The following ELFN1 variants were observed in gnomAD, a reference collection of about 807,000 sequenced individuals.
The protein encoded by ELFN1 is extracellular leucine rich repeat and fibronectin type III domain containing 1, also known as protein ELFN1.
Under a neutral mutation model 7.6 loss-of-function variants are expected in ELFN1, and 6 were observed. The ratio of observed to expected loss-of-function variants is 0.79; its 90% CI spans 0.43 to 1.56. The LOEUF is 1.56. ELFN1 is among the 40% of genes most tolerant of loss of function. The pLI, the probability that ELFN1 is intolerant of heterozygous loss-of-function variation, is 0.01. For missense variants in ELFN1, 1,169 were observed against 1,232.2 expected (o/e 0.95, Z 0.77); for synonymous variants, 657 against 588.1 (o/e 1.12, Z -1.70).
chr7:1,733,508 AACAG>A (rs1265716988), intron 3 of ELFN1, among the ~76,000 whole-genome samples: 1 of 152,058 alleles, frequency 6.6e-6, no homozygotes, highest in African/African-American at 2.4e-5. Flanking sequence ...ACTTTCTAGT[AACAG>A]ACAGGAGATA....
chr7:1,682,593 A>G (rs1022699257), intron 1 of ELFN1, among the ~76,000 whole-genome samples: 6 of 146,442 alleles, frequency 4.1e-5, no homozygotes, highest in African/African-American at 7.6e-5. Flanking sequence ...GGCGTGTGCC[A>G]TCATGCCAGG....
At chr7:1,684,872 G>A (rs1167201048) in intron 1 of ELFN1, among the ~76,000 whole-genome samples, 1 of 152,118 alleles carries the variant, frequency 6.6e-6, no homozygotes, top group Non-Finnish European at 1.5e-5. Context: ...TTTAAAAGAA[G>A]TTAAGGGAAG....
At chr7:1,730,124 C>T (rs574305081) in intron 3 of ELFN1, among the ~76,000 whole-genome samples, 1 of 152,404 alleles carries the variant, frequency 6.6e-6, no homozygotes, top group African/African-American at 2.4e-5. Flanking sequence ...ATCGTTCACC[C>T]TGCTTTGAGC....
At position 1,744,957 on chromosome 7, in the gene ELFN1, C is replaced by T. The variant is rs769101353; in HGVS notation, c.361C>T (p.Arg121Cys). The change falls in exon 4 of 4, where the codon CGC becomes TGC. Residue 121 changes from arginine (R) to cysteine (C), a missense_variant. Arg to Cys is a radical substitution (Grantham distance 180). Coordinates refer to ENST00000424383, the MANE Select transcript of ELFN1 (RefSeq NM_001128636.4). ...QVLQLGYNRL[R>C]NLTEGMLRGL... Reference sequence around the variant, plus strand: ...GCTGCAGCTGGGCTACAACCGGCTGCGCAACCTCACGGAGGGCATGCTGCG... The same window carrying T: ...GCTGCAGCTGGGCTACAACCGGCTGTGCAACCTCACGGAGGGCATGCTGCG... 24 of 1,551,178 alleles carry T rather than the reference C, an allele frequency of 1.5e-5. No individual in the cohort carries two copies. Among genetic ancestry groups the T allele is most frequent in the African/African-American group, 6.8e-5 (5 of 73,042 alleles).
intron 3 of ELFN1, among the ~76,000 whole-genome samples, chr7:1,721,142 T>A (rs1780009482): frequency 6.6e-6 from 1 of 152,180 alleles, no homozygotes; most frequent in Non-Finnish European, 1.5e-5. Context: ...CCCTGTGAGG[T>A]AGCTGAGAGG....
At chr7:1,702,110 C>T (rs1779439242) in intron 2 of ELFN1, among the ~76,000 whole-genome samples, 2 of 152,134 alleles carry the variant, frequency 1.3e-5, no homozygotes, top group African/African-American at 4.8e-5. Flanking sequence ...TTATAGTCAA[C>T]TGTCATTATC....
intron 3 of ELFN1, among the ~76,000 whole-genome samples, chr7:1,714,591 G>A (rs1209595104): frequency 6.6e-6 from 1 of 152,182 alleles, no homozygotes; most frequent in Non-Finnish European, 1.5e-5. Context: ...AATTCTAGTT[G>A]GATGCTGTAG....
intron 3 of ELFN1, among the ~76,000 whole-genome samples, chr7:1,734,356 G>A (rs1005431971): frequency 4.6e-5 from 7 of 152,202 alleles, no homozygotes; most frequent in South Asian, 4.1e-4. Flanking sequence ...CTCCAACGGC[G>A]CCACACATCA....
At chr7:1,679,354 A>C (rs1443710096) in intron 1 of ELFN1, among the ~76,000 whole-genome samples, 1 of 152,102 alleles carries the variant, frequency 6.6e-6, no homozygotes, top group Non-Finnish European at 1.5e-5. Flanking sequence ...CCCTCCCTGC[A>C]GGAGGCTCTG....
At position 1,675,406 on chromosome 7, in the gene ELFN1, C is replaced by A. The variant is rs547663754; in HGVS notation, c.-549+5052C>A. 2.0e-3 allele frequency among the ~76,000 whole-genome samples: 299 copies of A among 152,366 alleles called. 1 individual carries two copies. Among genetic ancestry groups the A allele is most frequent in the African/African-American group, 6.8e-3 (284 of 41,586 alleles). Reference sequence around the variant, plus strand: ...ACATTTGGAGGCTGTTGGGTTGGGTCCAGGCGGAATCCTTCCTGGGATGGA... The same window carrying A: ...ACATTTGGAGGCTGTTGGGTTGGGTACAGGCGGAATCCTTCCTGGGATGGA... On this transcript the variant is annotated intron_variant, in intron 1 of 3. Transcript: ENST00000424383.
Position 1,746,020 on chromosome 7 carries a change from TG to T in ELFN1, c.1426del (p.Glu476ArgfsTer19). 6.5e-7 allele frequency: 1 copy of T among 1,544,296 alleles called. No homozygotes were observed. Among genetic ancestry groups the T allele is most frequent in the Non-Finnish European group, 8.7e-7 (1 of 1,142,992 alleles). ...ATCGAGCTCAAGTACGGGCCAGAGC[TG>T]GAGGCGCCCGGCCTGGCCCCGCTGT... ...TIIELKYGPE[L>X]EAPGLAPLSQ... is the part of the protein sequence containing the mutation. On this transcript the variant is annotated frameshift_variant, in exon 4 of 4. Transcript: ENST00000424383. LOFTEE classifies it low-confidence loss of function (END_TRUNC).
intron 2 of ELFN1, among the ~76,000 whole-genome samples, chr7:1,704,756 C>A (rs1303519417): frequency 6.6e-6 from 1 of 152,108 alleles, no homozygotes; most frequent in Non-Finnish European, 1.5e-5. Context: ...CCCAGCCCCC[C>A]AGTAGGGGGC....
At position 1,745,901 on chromosome 7, in the gene ELFN1, C is replaced by G. The variant is rs530200834; in HGVS notation, c.1305C>G (p.Ala435=). Residue 435 remains alanine, a synonymous_variant, in exon 4 of 4, where the codon GCC becomes GCG. Transcript: ENST00000424383. ...TCGGCATGGTGCTGGTGCTGGGCGC[C>G]GTCTACTACTGCCTGCGCAGGCGGC... The part of the protein sequence containing the change: ...CLFGMVLVLG[A]VYYCLRRRRR... The G allele has an allele frequency of 6.3e-7, 1 of 1,586,026 alleles. No homozygotes were observed. The highest frequency in any genetic ancestry group is 1.3e-5 in the African/African-American group (1 of 74,256).
At chr7:1,722,591 A>C (rs1245761394) in intron 3 of ELFN1, among the ~76,000 whole-genome samples, 2 of 151,890 alleles carry the variant, frequency 1.3e-5, no homozygotes, top group African/African-American at 4.8e-5. Flanking sequence ...TTTTCAGTCC[A>C]ACTTCCACTC....
At chr7:1,693,868 T>C in intron 2 of ELFN1, 1 of 439,234 alleles carries the variant, frequency 2.3e-6, no homozygotes, top group South Asian at 1.6e-5. Flanking sequence ...CCAGCAGGAG[T>C]GAGAGTGCTT....
chr7:1,678,666 C>T (rs1274164993), intron 1 of ELFN1, among the ~76,000 whole-genome samples: 1 of 152,204 alleles, frequency 6.6e-6, no homozygotes, highest in Non-Finnish European at 1.5e-5. Flanking sequence ...CCTGCACCCA[C>T]CACCAGCCTC....
At chr7:1,707,036 C>T (rs373417446) in intron 2 of ELFN1, among the ~76,000 whole-genome samples, 15 of 152,046 alleles carry the variant, frequency 9.9e-5, no homozygotes, top group South Asian at 4.1e-4. Context: ...CATGTGTGCA[C>T]GCACATACAT....
intron 3 of ELFN1, chr7:1,742,325 C>T (rs1335735945): frequency 6.6e-6 from 1 of 152,296 alleles, no homozygotes; most frequent in Non-Finnish European, 1.5e-5. Context: ...TTCCGGAGGC[C>T]GGGCACAGCC....
In ELFN1 at chr7:1,695,474, G is replaced by A. The variant is rs548789284; in HGVS notation, c.-456+7324G>A. ...CTTTGAAAACTGTGCAGCCGTGCGC[G>A]GCCACTCACACCTGTAATTCCAGCA... On this transcript the variant is annotated intron_variant, in intron 2 of 3. Coordinates refer to ENST00000424383, the MANE Select transcript of ELFN1 (RefSeq NM_001128636.4). This position sits in a 1 kb window ranked among gnomAD's most constrained non-coding sequence, Gnocchi z 5.1. Among the ~76,000 whole-genome samples, 81 of 152,250 alleles carry A rather than the reference G, an allele frequency of 5.3e-4. 2 individuals carry two copies. Among genetic ancestry groups the A allele is most frequent in the Non-Finnish European group, 4.0e-4 (27 of 68,012 alleles).
Sources: gnomAD v4.1 joint callset for allele counts (sites outside exome capture counted in the v4.1 genomes callset) on GRCh38, gnomAD v4.1.1 for gene constraint, Gnocchi (gnomAD v3.1) non-coding constraint, MANE v1.5 for transcripts, NCBI Gene and HGNC (gene_info 2026-07-23, HGNC 2026-07-21) for gene names.